OTUD7A: variants seen among roughly 807,000 people sequenced by gnomAD.
OTUD7A encodes the protein OTU deubiquitinase 7A.
OTUD7A carries 12 observed loss-of-function variants against 65.7 expected under a neutral mutation model. The observed-to-expected ratio is 0.18, with a 90% CI of 0.12 to 0.30. The LOEUF is 0.30. Ranked by LOEUF, OTUD7A falls within the 10% of genes least tolerant of loss-of-function variation. OTUD7A has a pLI of 1.00. For synonymous variants in OTUD7A, 641 were observed against 586.3 expected (o/e 1.09, Z -1.35); for missense variants, 1,148 against 1,304.8 (o/e 0.88, Z 1.85).
Position 31,484,007 on chromosome 15 carries a change from T to G in OTUD7A, c.2089A>C (p.Thr697Pro). The G allele has an allele frequency of 1.7e-6, 2 of 1,171,248 alleles. No individual in the cohort carries two copies. The highest frequency in any genetic ancestry group is 1.1e-6 in the Non-Finnish European group (1 of 952,252). The allele number at this position is 1,171,248 out of a possible 1,614,324, so 72.6% of individuals were successfully genotyped here. A position where few individuals can be genotyped will look rare whatever the true frequency, so the allele number is the denominator to read the frequency against. ...AAAAAAAAAA[T>P]AKRPPRRPET... ...GGTCTGCGCGGCGGCCGCTTGGCCG[T>G]GGCGGCGGCGGCGGCGGCGGCAGCG... The change falls in exon 13 of 13, where the codon ACG (threonine) becomes CCG (proline). Residue 697 changes from threonine to proline, a missense_variant. Transcript: ENST00000307050. The surrounding 1 kb of genome is among the most constrained non-coding windows in gnomAD (Gnocchi z 4.5).
intron 5 of OTUD7A, among the ~76,000 whole-genome samples, chr15:31,548,874 G>A (rs774180135): frequency 6.6e-5 from 10 of 152,228 alleles, no homozygotes; most frequent in Non-Finnish European, 1.5e-4. Flanking sequence ...AGTGGCTCAT[G>A]CCTATAATCC....
Position 31,596,640 on chromosome 15 carries a change from C to T in OTUD7A, c.152-26443G>A, listed in dbSNP as rs571572077. ...ATTTTTCCACATCATTCTAATACTT[C>T]GTATTGTCAGCATTCTTAATTTTTT... On this transcript the variant is annotated intron_variant, in intron 3 of 12. Transcript: ENST00000307050. 2.0e-5 allele frequency among the ~76,000 whole-genome samples: 3 copies of T among 152,184 alleles called. 1 individual carries two copies. The highest frequency in any genetic ancestry group is 1.3e-4 in the Admixed American group (2 of 15,300).
At chr15:31,742,685 C>T (rs1894374609) in intron 1 of OTUD7A, among the ~76,000 whole-genome samples, 1 of 151,956 alleles carries the variant, frequency 6.6e-6, no homozygotes, top group Non-Finnish European at 1.5e-5. Flanking sequence ...TTAATTAAGT[C>T]AGAGATAGAA....
chr15:31,648,555 G>A (rs527624596), intron 3 of OTUD7A, among the ~76,000 whole-genome samples: 6 of 152,232 alleles, frequency 3.9e-5, no homozygotes, highest in Non-Finnish European at 8.8e-5. Flanking sequence ...CAGAGCTAAC[G>A]TTCTTTTCTC....
In OTUD7A at chr15:31,483,188, G is replaced by A. The variant is rs2041158282; in HGVS notation, c.*106C>T. The A allele has an allele frequency of 1.0e-6, 1 of 994,728 alleles. No homozygotes were observed. The highest frequency in any genetic ancestry group is 1.2e-6 in the Non-Finnish European group (1 of 828,314). 61.6% of individuals were successfully genotyped at this position (994,728 alleles called of 1,614,324 possible). Reference sequence around the variant, plus strand: ...AAACACGTACACGGCACTGACAGAGGAGGCGCCGGCCTTCCGGTGGACCAG... The same window carrying A: ...AAACACGTACACGGCACTGACAGAGAAGGCGCCGGCCTTCCGGTGGACCAG... On this transcript the variant is annotated 3_prime_UTR_variant, in exon 13 of 13. Transcript: ENST00000307050.
chr15:31,854,131 G>C (rs982252615), intron 1 of OTUD7A, among the ~76,000 whole-genome samples: 1 of 152,226 alleles, frequency 6.6e-6, no homozygotes, highest in Non-Finnish European at 1.5e-5. Context: ...TGGCAGGGCT[G>C]CATTCCTTCT....
At chr15:31,770,553 T>C (rs542897269) in intron 1 of OTUD7A, among the ~76,000 whole-genome samples, 2 of 152,338 alleles carry the variant, frequency 1.3e-5, no homozygotes, top group South Asian at 2.1e-4. Context: ...GAGGGAACAC[T>C]GCTCAACTTA....
At chr15:31,766,436 C>T in intron 1 of OTUD7A, 1 of 1,581,396 alleles carries the variant, frequency 6.3e-7, no homozygotes. Context: ...TGCCAGTCAA[C>T]ACAGAAGAAG....
intron 10 of OTUD7A, among the ~76,000 whole-genome samples, chr15:31,499,653 T>C (rs1595559008): frequency 6.6e-6 from 1 of 152,236 alleles, no homozygotes; most frequent in East Asian, 1.9e-4. Flanking sequence ...AGCGTGGCCA[T>C]GGCACCTGCC....
chr15:31,586,005 GAAGA>G (rs1889524203), intron 3 of OTUD7A, among the ~76,000 whole-genome samples: 1 of 152,196 alleles, frequency 6.6e-6, no homozygotes, highest in Non-Finnish European at 1.5e-5. Context: ...CATTAAAATA[GAAGA>G]AAGGCAGGTA....
chr15:31,679,370 G>T (rs1019974609), intron 1 of OTUD7A, among the ~76,000 whole-genome samples: 32 of 151,960 alleles, frequency 2.1e-4, no homozygotes, highest in African/African-American at 7.7e-4. Context: ...GAGAACATGA[G>T]ATTTGATTTG....
intron 8 of OTUD7A, among the ~76,000 whole-genome samples, chr15:31,512,186 GCA>G (rs574462137): frequency 6.1e-4 from 92 of 152,046 alleles, no homozygotes; most frequent in Non-Finnish European, 1.2e-3. Flanking sequence ...CTCAATCTGT[GCA>G]CAGTTTTCTG....
chr15:31,612,963 C>T (rs1890475605), intron 3 of OTUD7A, among the ~76,000 whole-genome samples: 1 of 152,132 alleles, frequency 6.6e-6, no homozygotes, highest in Non-Finnish European at 1.5e-5. Flanking sequence ...ACCAATGGAA[C>T]AGAATAGAGT....
intron 1 of OTUD7A, among the ~76,000 whole-genome samples, chr15:31,851,179 GT>G (rs1161333742): frequency 6.6e-6 from 1 of 152,220 alleles, no homozygotes. Flanking sequence ...CAAGAGGCTG[GT>G]TTTTAAAGTG....
At chr15:31,697,914 T>C (rs2654087) in intron 1 of OTUD7A, among the ~76,000 whole-genome samples, 136 of 148,738 alleles carry the variant, frequency 9.1e-4, no homozygotes, top group African/African-American at 1.8e-3. Flanking sequence ...TCTCCACAGC[T>C]CCTGAAGCCC....
chr15:31,651,547 A>G (rs1376933148), intron 3 of OTUD7A, among the ~76,000 whole-genome samples: 1 of 150,940 alleles, frequency 6.6e-6, no homozygotes, highest in African/African-American at 2.4e-5. Flanking sequence ...AGATAACATG[A>G]TCACCTATGT....
chr15:31,781,274 A>G (rs1895532461), intron 1 of OTUD7A, among the ~76,000 whole-genome samples: 2 of 152,138 alleles, frequency 1.3e-5, no homozygotes, highest in African/African-American at 4.8e-5. Flanking sequence ...GAATGACCCC[A>G]AGGTCAGCAT....
At chr15:31,574,535 C>T (rs1334285519) in intron 3 of OTUD7A, among the ~76,000 whole-genome samples, 2 of 149,454 alleles carry the variant, frequency 1.3e-5, no homozygotes, top group Admixed American at 6.6e-5. Context: ...ACAACAGTAA[C>T]AACAAAACTG....
At chr15:31,777,732 T>G (rs569894851) in intron 1 of OTUD7A, among the ~76,000 whole-genome samples, 38 of 151,800 alleles carry the variant, frequency 2.5e-4, no homozygotes, top group Non-Finnish European at 4.0e-4. Context: ...GCCCCTGGAG[T>G]AGGTGGGTGC....
Sources: allele counts gnomAD v4.1 joint callset (sites outside exome capture counted in the v4.1 genomes callset), GRCh38; gene constraint gnomAD v4.1.1; non-coding constraint Gnocchi (gnomAD v3.1); transcripts MANE v1.5; gene names NCBI Gene and HGNC (gene_info 2026-07-23, HGNC 2026-07-21).